The following TRIP12 variants were observed in gnomAD, a reference collection of about 807,000 sequenced individuals.
TRIP12 encodes the protein thyroid hormone receptor interactor 12.
A neutral mutation model predicts 244.2 loss-of-function variants in TRIP12; 25 were observed. That is an observed-to-expected ratio of 0.10 (90% CI 0.07 to 0.14). The LOEUF is 0.14. Ranked by LOEUF, TRIP12 falls within the 10% of genes least tolerant of loss-of-function variation. TRIP12 has a pLI of 1.00. For synonymous variants in TRIP12, 905 were observed against 873.1 expected (o/e 1.04, Z -0.64); for missense variants, 1,677 against 2,486.4 (o/e 0.67, Z 6.92).
intron 2 of TRIP12, among the ~76,000 whole-genome samples, chr2:229,864,238 T>C (rs1307330946): frequency 6.6e-6 from 1 of 152,232 alleles, no homozygotes; most frequent in Non-Finnish European, 1.5e-5. Context: ...TATGTTATTT[T>C]GTAATGAGCA....
At chr2:229,825,502 T>A (rs1421813127) in intron 8 of TRIP12, among the ~76,000 whole-genome samples, 2 of 152,322 alleles carry the variant, frequency 1.3e-5, no homozygotes, top group South Asian at 4.1e-4. Context: ...GACTCACAGT[T>A]TGGCATGGCT....
chr2:229,920,711 A>G (rs1333540994), intron 1 of TRIP12, among the ~76,000 whole-genome samples: 2 of 151,968 alleles, frequency 1.3e-5, no homozygotes, highest in African/African-American at 4.8e-5. Flanking sequence ...TCAAAGTGTG[A>G]TTTCCCCCCG....
At chr2:229,888,578 T>C (rs1226626431) in intron 1 of TRIP12, among the ~76,000 whole-genome samples, 1 of 151,716 alleles carries the variant, frequency 6.6e-6, no homozygotes, top group Non-Finnish European at 1.5e-5. Context: ...AACTCAAAAA[T>C]GTCCATCAGA....
chr2:229,782,190 C>A (rs1294796128), intron 34 of TRIP12, among the ~76,000 whole-genome samples: 1 of 151,976 alleles, frequency 6.6e-6, no homozygotes. Flanking sequence ...ATATAAGAAT[C>A]GCATCCTCTG....
At chr2:229,849,131 C>G (rs1295019413) in intron 4 of TRIP12, among the ~76,000 whole-genome samples, 1 of 152,056 alleles carries the variant, frequency 6.6e-6, no homozygotes, top group Non-Finnish European at 1.5e-5. Flanking sequence ...TGCATGCAGA[C>G]AGCTTGAGAA....
At chr2:229,864,047 A>AGAGAGAGAGAGAGAGAGAGAGT in intron 2 of TRIP12, among the ~76,000 whole-genome samples, 2 of 79,294 alleles carry the variant, frequency 2.5e-5, no homozygotes, top group Non-Finnish European at 5.1e-5. Context: ...AGAGAGAGAG[A>AGAGAGAGAGAGAGAGAGAGAGT]GTGTGTGTGT....
intron 8 of TRIP12, among the ~76,000 whole-genome samples, chr2:229,825,953 A>G (rs1559668773): frequency 6.6e-6 from 1 of 152,198 alleles, no homozygotes; most frequent in African/African-American, 2.4e-5. Context: ...ACACATCTCA[A>G]CCCACTGCTT....
At chr2:229,881,584 T>A (rs1230410504) in intron 1 of TRIP12, among the ~76,000 whole-genome samples, 2 of 152,236 alleles carry the variant, frequency 1.3e-5, no homozygotes, top group East Asian at 3.8e-4. Flanking sequence ...ACTGTTTCTA[T>A]CACATATGTC....
At chr2:229,828,690 C>T (rs2052430367) in intron 8 of TRIP12, among the ~76,000 whole-genome samples, 1 of 151,892 alleles carries the variant, frequency 6.6e-6, no homozygotes, top group Admixed American at 6.6e-5. Context: ...AGGACTGGAC[C>T]CGAGAGGCAG....
intron 1 of TRIP12, among the ~76,000 whole-genome samples, chr2:229,912,557 C>T: frequency 6.6e-6 from 1 of 152,136 alleles, no homozygotes. Flanking sequence ...CCCCATTCTT[C>T]TATATCTTCC....
At chr2:229,774,737 A>G (rs1469819539) in intron 37 of TRIP12, among the ~76,000 whole-genome samples, 2 of 152,116 alleles carry the variant, frequency 1.3e-5, no homozygotes, top group African/African-American at 2.4e-5. Context: ...GCAAAGCTCA[A>G]GTCTACAGAA....
At chr2:229,890,642 G>A (rs2067124051) in intron 1 of TRIP12, among the ~76,000 whole-genome samples, 1 of 152,088 alleles carries the variant, frequency 6.6e-6, no homozygotes, top group African/African-American at 2.4e-5. Context: ...AGAAAATACA[G>A]ACTGTAACTT....
At chr2:229,872,269 T>G (rs993973610) in intron 2 of TRIP12, among the ~76,000 whole-genome samples, 5 of 151,306 alleles carry the variant, frequency 3.3e-5, no homozygotes, top group Non-Finnish European at 1.5e-5. Flanking sequence ...ATCTCTCTTT[T>G]AAAAAAAGAA....
chr2:229,808,720 T>C (rs1430259044), intron 15 of TRIP12, among the ~76,000 whole-genome samples: 1 of 152,218 alleles, frequency 6.6e-6, no homozygotes, highest in African/African-American at 2.4e-5. Context: ...ATCAAATATA[T>C]TTATGTACTT....
chr2:229,840,811 A>C lies in TRIP12; in HGVS notation c.1133+11T>G, dbSNP rs760843926. On this transcript the variant is annotated intron_variant, in intron 5 of 41. Transcript: ENST00000675903. Reference sequence around the variant, plus strand: ...AAATGAACTCACTATAAAAAAAAAAAAACAAATTACCTGGTACTAGCACAG... The same window carrying C: ...AAATGAACTCACTATAAAAAAAAAACAACAAATTACCTGGTACTAGCACAG... The C allele has an allele frequency of 2.0e-5, 31 of 1,556,516 alleles. No homozygotes were observed. The highest frequency in any genetic ancestry group is 1.6e-4 in the East Asian group (7 of 44,144).
intron 1 of TRIP12, among the ~76,000 whole-genome samples, chr2:229,887,298 C>T (rs1158486260): frequency 6.6e-6 from 1 of 152,178 alleles, no homozygotes; most frequent in Non-Finnish European, 1.5e-5. Context: ...TTTGCCTTCA[C>T]AGGTTGAGGA....
intron 32 of TRIP12, 83 bp from the exon 33 acceptor site, chr2:229,787,744 C>T: frequency 7.9e-7 from 1 of 1,258,940 alleles, no homozygotes; most frequent in Non-Finnish European, 1.1e-6. Context: ...ATATTAGAAA[C>T]AACTTTTGAT....
At chr2:229,906,800 G>A (rs1282552094) in intron 1 of TRIP12, among the ~76,000 whole-genome samples, 1 of 151,364 alleles carries the variant, frequency 6.6e-6, no homozygotes, top group Non-Finnish European at 1.5e-5. Context: ...TAGGTAAAGA[G>A]GAATATGGGA....
chr2:229,797,322 CCACT>C (rs1463512534), intron 24 of TRIP12, among the ~76,000 whole-genome samples: 1 of 152,156 alleles, frequency 6.6e-6, no homozygotes, highest in Admixed American at 6.5e-5. Flanking sequence ...GCCTCTCCTG[CCACT>C]CTGAGACCCC....
Sources: allele counts gnomAD v4.1 joint callset (sites outside exome capture counted in the v4.1 genomes callset), GRCh38; gene constraint gnomAD v4.1.1; transcripts MANE v1.5; gene names NCBI Gene and HGNC (gene_info 2026-07-23, HGNC 2026-07-21).